The following UBE2Q2 variants were observed in gnomAD, a reference collection of about 807,000 sequenced individuals.
UBE2Q2 encodes the protein ubiquitin-conjugating enzyme E2 Q2.
In UBE2Q2, 54 loss-of-function variants were observed where a neutral mutation model predicts 59.9. The observed-to-expected ratio is 0.90, with a 90% CI of 0.72 to 1.13. The LOEUF is 1.13. Ranked by LOEUF, UBE2Q2 falls within the 50% of genes most tolerant of loss-of-function variation. UBE2Q2 has a pLI of 0.00. For missense variants in UBE2Q2, 433 were observed against 441.9 expected, an observed-to-expected ratio of 0.98 and a Z score of 0.18; for synonymous variants, 165 against 155.2, an observed-to-expected ratio of 1.06 and a Z score of -0.47.
intron 1 of UBE2Q2, among the ~76,000 whole-genome samples, chr15:75,850,967 A>AT (rs1458829009): frequency 1.3e-5 from 2 of 152,166 alleles, no homozygotes; most frequent in East Asian, 3.8e-4. Context: ...ACAGTCTTAA[A>AT]TTTTTTGCAA....
At chr15:75,890,106 G>A (rs1423214241) in intron 9 of UBE2Q2, among the ~76,000 whole-genome samples, 1 of 152,188 alleles carries the variant, frequency 6.6e-6, no homozygotes, top group Non-Finnish European at 1.5e-5. Flanking sequence ...ACACGTGAAC[G>A]CCATTTAAGG....
At position 75,876,807 on chromosome 15, in the gene UBE2Q2, T is replaced by C. The variant is rs996042666; in HGVS notation, c.673+536T>C. 1.4e-4 allele frequency among the ~76,000 whole-genome samples: 21 copies of C among 152,202 alleles called. 1 individual carries two copies. The highest frequency in any genetic ancestry group is 1.2e-3 in the Admixed American group (18 of 15,284). On this transcript the variant is annotated intron_variant, in intron 6 of 12. Coordinates refer to ENST00000267938, the MANE Select transcript of UBE2Q2 (RefSeq NM_173469.4). The stretch of plus-strand genomic sequence containing the variant: ...ACCTCTCTAACTAGAGGTAAAATTC[T>C]CATATTGTTATGGAGATTCTAATAG...
intron 2 of UBE2Q2, among the ~76,000 whole-genome samples, 171 bp from the exon 3 acceptor site, chr15:75,859,707 C>T (rs1897112529): frequency 6.6e-6 from 1 of 152,176 alleles, no homozygotes; most frequent in South Asian, 2.1e-4. Flanking sequence ...CTTTCTTACA[C>T]TAGAGGGTCC....
In UBE2Q2 at chr15:75,843,562, G is replaced by A; in HGVS notation, c.-105G>A. ...GCGGAGCCGCGAGAGCGCGGCCCAGGCCGGCCCCGCGGGGCGGTCGCGGCC... is the reference window on the plus strand; with the variant it reads ...GCGGAGCCGCGAGAGCGCGGCCCAGACCGGCCCCGCGGGGCGGTCGCGGCC... On this transcript the variant is annotated 5_prime_UTR_variant, in exon 1 of 13. Transcript: ENST00000267938. 2.2e-6 allele frequency: 2 copies of A among 929,280 alleles called. No homozygotes were observed. The highest frequency in any genetic ancestry group is 2.3e-5 in the South Asian group (1 of 44,396). The allele number at this position is 929,280 out of a possible 1,614,324, so 57.6% of individuals were successfully genotyped here.
intron 4 of UBE2Q2, among the ~76,000 whole-genome samples, chr15:75,869,502 T>A (rs1342677180): frequency 2.0e-5 from 3 of 152,236 alleles, no homozygotes; most frequent in Non-Finnish European, 4.4e-5. Context: ...AGAACAGACA[T>A]TTATTTTCTC....
At chr15:75,856,269 G>GTATATATATATATATA (rs60490503) in intron 2 of UBE2Q2, among the ~76,000 whole-genome samples, 8 of 139,276 alleles carry the variant, frequency 5.7e-5, no homozygotes, top group African/African-American at 1.9e-4. Context: ...GTGTGTGTGT[G>GTATATATATATATATA]TATATATATA....
chr15:75,895,290 T>G (rs558960912), intron 11 of UBE2Q2: 4 of 152,156 alleles, frequency 2.6e-5, no homozygotes, highest in African/African-American at 9.6e-5. Flanking sequence ...GTTCAAGCGA[T>G]TCTCCTGCCT....
intron 4 of UBE2Q2, among the ~76,000 whole-genome samples, chr15:75,872,962 GCA>G (rs947631441): frequency 2.0e-5 from 3 of 152,024 alleles, no homozygotes; most frequent in African/African-American, 7.2e-5. Flanking sequence ...TTGCTATTTT[GCA>G]CATGCAGATT....
chr15:75,890,946 T>G lies in UBE2Q2; in HGVS notation c.961T>G (p.Ser321Ala). The change falls in exon 11 of 13, where the codon TCG (serine) becomes GCG (alanine). Residue 321 changes from serine (S) to alanine (A), a missense_variant. Transcript: ENST00000267938. The stretch of plus-strand genomic sequence containing the variant: ...CTGGAGCAGTGCCTACTCAATAGAA[T>G]CGGTCATCATGCAAATAAATGCCAC... ...QGWSSAYSIESVIMQINATLV... is the reference protein window; with the variant it reads ...QGWSSAYSIEAVIMQINATLV... 1 of 1,612,764 alleles carries G rather than the reference T, an allele frequency of 6.2e-7. No homozygotes were observed. Among genetic ancestry groups the G allele is most frequent in the East Asian group, 2.2e-5 (1 of 44,864 alleles).
chr15:75,859,161 T>A (rs1359875368), intron 2 of UBE2Q2, among the ~76,000 whole-genome samples: 1 of 152,230 alleles, frequency 6.6e-6, no homozygotes, highest in Non-Finnish European at 1.5e-5. Flanking sequence ...GCAAATATGC[T>A]TAGAAAACAA....
intron 9 of UBE2Q2, among the ~76,000 whole-genome samples, chr15:75,887,101 T>C (rs905766965): frequency 6.6e-5 from 10 of 152,190 alleles, no homozygotes; most frequent in African/African-American, 1.9e-4. Context: ...TTCAAATGAG[T>C]AATTTGAATA....
At position 75,899,528 on chromosome 15, in the gene UBE2Q2, C is replaced by CT; in HGVS notation, c.*73dup. On this transcript the variant is annotated 3_prime_UTR_variant, in exon 13 of 13. Coordinates refer to ENST00000267938, the MANE Select transcript of UBE2Q2 (RefSeq NM_173469.4). ...AATCTTTCTAACATGCAGACAAAAG[C>CT]TTTGAGTGCCCCTATTACAGCAGTA... 1 of 1,305,178 alleles carries CT rather than the reference C, an allele frequency of 7.7e-7. No homozygotes were observed. The highest frequency in any genetic ancestry group is 1.1e-6 in the Non-Finnish European group (1 of 926,842). 80.8% of individuals were successfully genotyped at this position (1,305,178 alleles called of 1,614,324 possible).
chr15:75,851,798 C>T (rs570953902), intron 1 of UBE2Q2, among the ~76,000 whole-genome samples: 6 of 152,240 alleles, frequency 3.9e-5, no homozygotes, highest in African/African-American at 1.2e-4. Flanking sequence ...GTATACTTCC[C>T]GTTTCATCAC....
chr15:75,899,651 G>A lies in UBE2Q2; in HGVS notation c.*193G>A. On this transcript the variant is annotated 3_prime_UTR_variant, in exon 13 of 13. Transcript: ENST00000267938. ...GCATTTTGCTCATTTTAGATATCTT[G>A]GACTGAGCAGTGGGGCCTTTACTGT... 2.5e-6 allele frequency: 1 copy of A among 395,224 alleles called. No individual in the cohort carries two copies. The highest frequency in any genetic ancestry group is 4.5e-6 in the Non-Finnish European group (1 of 221,620). 24.5% of individuals were successfully genotyped at this position (395,224 alleles called of 1,614,324 possible).
intron 2 of UBE2Q2, among the ~76,000 whole-genome samples, chr15:75,856,292 T>A (rs950700655): frequency 4.2e-5 from 6 of 142,184 alleles, no homozygotes; most frequent in South Asian, 2.2e-4. Context: ...TATATATATA[T>A]AATGAATTTC....
Position 75,869,010 on chromosome 15 carries a change from A to G in UBE2Q2, c.447A>G (p.Glu149=). 1 of 1,610,854 alleles carries G rather than the reference A, an allele frequency of 6.2e-7. No individual in the cohort carries two copies. Among genetic ancestry groups the G allele is most frequent in the East Asian group, 2.2e-5 (1 of 44,678 alleles). ...AGGAAGAAGAAGAAGAGATGGCTGA[A>G]GTAGGTATTTTATATAAAAGAAGAG... The part of the protein sequence containing the change: ...EEEEEEEEMA[E]DIEDLDHYEM... Residue 149 remains glutamate, a splice_region_variant and synonymous_variant, in exon 4 of 13, where the codon GAA becomes GAG. Transcript: ENST00000267938.
intron 5 of UBE2Q2, among the ~76,000 whole-genome samples, 156 bp from the exon 6 acceptor site, chr15:75,876,031 C>G (rs1241034836): frequency 6.8e-6 from 1 of 148,092 alleles, no homozygotes; most frequent in Non-Finnish European, 1.5e-5. Context: ...CGCCACTGCA[C>G]TCCAGCCTGG....
In UBE2Q2 at chr15:75,843,729, C is replaced by G; in HGVS notation, c.63C>G (p.His21Gln). The change falls in exon 1 of 13, where the codon CAC (histidine) becomes CAG (glutamine). Residue 21 changes from histidine (H) to glutamine (Q), a missense_variant. By Grantham distance (24) the His-to-Gln change is conservative (BLOSUM62 0). Coordinates refer to ENST00000267938, the MANE Select transcript of UBE2Q2 (RefSeq NM_173469.4). ...KFLASIFDKN[H>Q]ERFRIVSWKL... ...TGGCGTCCATCTTCGACAAGAACCACGAGCGATTCCGCATCGTCAGTTGGA... is the reference window on the plus strand; with the variant it reads ...TGGCGTCCATCTTCGACAAGAACCAGGAGCGATTCCGCATCGTCAGTTGGA... 6.2e-7 allele frequency: 1 copy of G among 1,611,576 alleles called. No homozygotes were observed. Among genetic ancestry groups the G allele is most frequent in the Non-Finnish European group, 8.5e-7 (1 of 1,179,092 alleles).
intron 3 of UBE2Q2, among the ~76,000 whole-genome samples, chr15:75,863,104 GC>G (rs1341685678): frequency 6.6e-6 from 1 of 152,134 alleles, no homozygotes; most frequent in Non-Finnish European, 1.5e-5. Flanking sequence ...CTGTATATAG[GC>G]TTTTGTTAAT....
Sources: allele counts gnomAD v4.1 joint callset (sites outside exome capture counted in the v4.1 genomes callset), GRCh38; gene constraint gnomAD v4.1.1; transcripts MANE v1.5; gene names NCBI Gene and HGNC (gene_info 2026-07-23, HGNC 2026-07-21).